Variants in CAST observed in about 807,000 individuals in gnomAD.
CAST encodes the protein MIR583 host.
Under a neutral mutation model 119.6 loss-of-function variants are expected in CAST, and 76 were observed. The observed-to-expected ratio is 0.64, with a 90% CI of 0.53 to 0.77. The LOEUF (loss-of-function observed/expected upper bound fraction) is 0.77. Ranked by LOEUF, CAST falls within the 30% of genes least tolerant of loss-of-function variation. The pLI is 0.00. For missense variants in CAST, 953 were observed against 946.5 expected (o/e 1.01, Z -0.09); for synonymous variants, 319 against 331.6 (o/e 0.96, Z 0.41).
upstream of CAST, among the ~76,000 whole-genome samples, chr5:96,657,598 G>A (rs181129012): frequency 1.3e-5 from 2 of 152,230 alleles, no homozygotes; most frequent in East Asian, 3.9e-4. Flanking sequence ...GACAGAAATA[G>A]CACATTAAAA....
At chr5:96,561,918 G>C (rs1176344846) in intron 1 of CAST, among the ~76,000 whole-genome samples, 1 of 135,538 alleles carries the variant, frequency 7.4e-6, no homozygotes, top group African/African-American at 2.6e-5. Flanking sequence ...TCAGCCTCCC[G>C]AGTAGCTGGG....
chr5:96,266,022 A>AGT, the CAST span, among the ~76,000 whole-genome samples: 37 of 152,300 alleles, frequency 2.4e-4, no homozygotes, highest in African/African-American at 7.9e-4. Context: ...AGAGTAAAGG[A>AGT]GTGGGGGTCT....
intron 16 of CAST, among the ~76,000 whole-genome samples, chr5:96,744,516 C>T: frequency 6.6e-6 from 1 of 152,188 alleles, no homozygotes; most frequent in African/African-American, 2.4e-5. Flanking sequence ...GGGTCCCTCC[C>T]ACGACACGTG....
intron 1 of CAST, among the ~76,000 whole-genome samples, chr5:96,608,064 G>C (rs1747293911): frequency 6.6e-6 from 1 of 152,046 alleles, no homozygotes; most frequent in Admixed American, 6.6e-5. Context: ...TATTGCTCCT[G>C]TCTATCTGAA....
the CAST span, among the ~76,000 whole-genome samples, chr5:96,091,397 G>A: frequency 3.3e-5 from 5 of 151,108 alleles, no homozygotes; most frequent in South Asian, 2.1e-4. Flanking sequence ...TGGAGATGGG[G>A]TTTCTCCATG....
the CAST span, among the ~76,000 whole-genome samples, chr5:96,483,723 G>T: frequency 6.6e-6 from 1 of 152,022 alleles, no homozygotes; most frequent in South Asian, 2.1e-4. Context: ...AAATCAATTT[G>T]TATCTTGACT....
the CAST span, among the ~76,000 whole-genome samples, chr5:96,354,278 T>G: frequency 6.6e-6 from 1 of 152,142 alleles, no homozygotes; most frequent in African/African-American, 2.4e-5. Flanking sequence ...AAAACATAAT[T>G]TAGAAGTATT....
chr5:96,467,818 C>G, the CAST span, among the ~76,000 whole-genome samples: 1 of 151,870 alleles, frequency 6.6e-6, no homozygotes, highest in African/African-American at 2.4e-5. Context: ...TATAAAAAAA[C>G]AATACGGAGA....
chr5:96,452,274 A>T, the CAST span, among the ~76,000 whole-genome samples: 1 of 152,204 alleles, frequency 6.6e-6, no homozygotes, highest in Non-Finnish European at 1.5e-5. Flanking sequence ...GGATAAAGAA[A>T]ATGTGGCACA....
chr5:96,501,279 G>A, the CAST span, among the ~76,000 whole-genome samples: 2 of 152,222 alleles, frequency 1.3e-5, no homozygotes, highest in African/African-American at 4.8e-5. Context: ...ATGTACATGG[G>A]CTAAACTCTT....
chr5:96,228,784 T>C, the CAST span, among the ~76,000 whole-genome samples: 1 of 152,150 alleles, frequency 6.6e-6, no homozygotes, highest in African/African-American at 2.4e-5. Context: ...ATTCTTATCC[T>C]GAAAGGTGTT....
At chr5:96,336,129 A>T in the CAST span, among the ~76,000 whole-genome samples, 28 of 152,026 alleles carry the variant, frequency 1.8e-4, 1 homozygote, top group African/African-American at 6.3e-4. Flanking sequence ...AGGAAATTCA[A>T]CCTCCTTTCC....
the CAST span, among the ~76,000 whole-genome samples, chr5:96,154,499 T>C: frequency 6.6e-6 from 1 of 152,208 alleles, no homozygotes; most frequent in Non-Finnish European, 1.5e-5. Flanking sequence ...CTATGGTACA[T>C]TGGTCACAAT....
At chr5:96,341,208 T>G in the CAST span, among the ~76,000 whole-genome samples, 1 of 152,184 alleles carries the variant, frequency 6.6e-6, no homozygotes, top group African/African-American at 2.4e-5. Context: ...GTCTTCTTAT[T>G]TGTCCCCTTG....
At chr5:96,008,953 T>G in the CAST span, among the ~76,000 whole-genome samples, 1 of 152,172 alleles carries the variant, frequency 6.6e-6, no homozygotes, top group African/African-American at 2.4e-5. Flanking sequence ...ATTAGGTTTT[T>G]CAAACCATGC....
the CAST span, among the ~76,000 whole-genome samples, chr5:96,335,291 G>T: frequency 1.3e-5 from 2 of 152,092 alleles, no homozygotes; most frequent in Non-Finnish European, 2.9e-5. Flanking sequence ...CTGCAATCTG[G>T]CTTCTGCTTT....
chr5:96,204,130 A>G, the CAST span, among the ~76,000 whole-genome samples: 3 of 152,052 alleles, frequency 2.0e-5, no homozygotes, highest in Non-Finnish European at 2.9e-5. Context: ...CTCAACAACC[A>G]ATGACTGCCA....
chr5:96,237,620 A>G, the CAST span, among the ~76,000 whole-genome samples: 3 of 152,126 alleles, frequency 2.0e-5, no homozygotes, highest in Non-Finnish European at 4.4e-5. Flanking sequence ...TGTCATCATT[A>G]TCTATTCAGT....
intron 1 of CAST, among the ~76,000 whole-genome samples, chr5:96,607,211 C>G (rs1394808487): frequency 2.0e-5 from 3 of 152,118 alleles, no homozygotes; most frequent in South Asian, 2.1e-4. Context: ...TGGAGGGAAC[C>G]CTGAAGGCGG....
Sources: allele counts gnomAD v4.1 joint callset (sites outside exome capture counted in the v4.1 genomes callset), GRCh38; gene constraint gnomAD v4.1.1; transcripts MANE v1.5; gene names NCBI Gene and HGNC (gene_info 2026-07-23, HGNC 2026-07-21).